The following CEP164 variants were observed in gnomAD, a reference collection of about 807,000 sequenced individuals.
CEP164 encodes centrosomal protein 164.
In CEP164, 162 loss-of-function variants were observed where a neutral mutation model predicts 182.7. The ratio of observed to expected loss-of-function variants is 0.89; its 90% CI spans 0.78 to 1.01. CEP164 has a LOEUF of 1.01. Among genes scored for constraint, CEP164 ranks in the 50% least tolerant of loss-of-function variants. The pLI, the probability that CEP164 is intolerant of heterozygous loss-of-function variation, is 0.00. For synonymous variants in CEP164, 661 were observed against 690.0 expected (o/e 0.96, Z 0.66); for missense variants, 1,735 against 1,790.4 (o/e 0.97, Z 0.56).
intron 27 of CEP164, among the ~76,000 whole-genome samples, chr11:117,404,108 A>G (rs894990944): frequency 2.0e-5 from 3 of 152,074 alleles, no homozygotes; most frequent in Non-Finnish European, 4.4e-5. Context: ...ATGCACCTTT[A>G]GTTCAGAGGA....
rs1156344843 is a variant in CEP164 at position 117,335,664 on chromosome 11, T to C, written c.-38T>C. On this transcript the variant is annotated 5_prime_UTR_variant, in exon 2 of 33. Coordinates refer to ENST00000278935, the MANE Select transcript of CEP164 (RefSeq NM_014956.5). ...ATGAGAATAGGACCTGAGAGTATAT[T>C]GGGCTAAGGAGGAGAGGTAAGGTTC... 1 of 152,218 alleles carries C rather than the reference T, an allele frequency of 6.6e-6. No individual in the cohort carries two copies. 9.4% of individuals were successfully genotyped at this position (152,218 alleles called of 1,614,324 possible). A position where few individuals can be genotyped will look rare whatever the true frequency, so the allele number is the denominator to read the frequency against.
At chr11:117,355,669 G>A in intron 5 of CEP164, 3 of 1,190,614 alleles carry the variant, frequency 2.5e-6, no homozygotes, top group Non-Finnish European at 3.2e-6. Flanking sequence ...GAGTTCCTGG[G>A]GAAGGTGGGA....
chr11:117,406,861 C>T lies in CEP164; in HGVS notation c.3502-1064C>T, dbSNP rs182024298. Among the ~76,000 whole-genome samples, 108 of 151,980 alleles carry T rather than the reference C, an allele frequency of 7.1e-4. No homozygotes were observed. In the East Asian group the frequency reaches 8.9e-3, roughly 13 times the overall value. On this transcript the variant is annotated intron_variant, in intron 27 of 32. Transcript: ENST00000278935. The stretch of plus-strand genomic sequence containing the variant: ...CTGTAATGCCAGCACTTTGGGAGGC[C>T]GGGGCGGGTGGATCACGAGGTCAGG...
rs1374557039 is a variant in CEP164, at chr11:117,394,135, G to C, written c.2617-215G>C. On this transcript the variant is annotated intron_variant, in intron 20 of 32. Transcript: ENST00000278935. This position sits in a 1 kb window ranked among gnomAD's most constrained non-coding sequence, Gnocchi z 4.0. ...AGAAAGGGAATCTGTCGTGGTGTCTGACCAGCCTCTGCTTCAGCTCTAGAG... is the reference window on the plus strand; with the variant it reads ...AGAAAGGGAATCTGTCGTGGTGTCTCACCAGCCTCTGCTTCAGCTCTAGAG... Among the ~76,000 whole-genome samples, 3 of 152,376 alleles carry C rather than the reference G, an allele frequency of 2.0e-5. No individual in the cohort carries two copies. The highest frequency in any genetic ancestry group is 4.1e-4 in the South Asian group (2 of 4,828).
At chr11:117,337,862 G>T (rs1233741928) in intron 2 of CEP164, among the ~76,000 whole-genome samples, 1 of 151,802 alleles carries the variant, frequency 6.6e-6, no homozygotes, top group Admixed American at 6.6e-5. Flanking sequence ...TCTTTAGCAC[G>T]GTCTGCAAGG....
At chr11:117,383,058 T>C in intron 14 of CEP164, 116 bp downstream of exon 14, 1 of 1,179,862 alleles carries the variant, frequency 8.5e-7, no homozygotes, top group Non-Finnish European at 1.2e-6. Flanking sequence ...AGGGTTAGAG[T>C]GTAGGGAGAT....
At chr11:117,324,013 G>A (rs140534586), upstream of CEP164, 16 of 228,010 alleles carry the variant, frequency 7.0e-5, no homozygotes, top group East Asian at 1.0e-3. Flanking sequence ...TCTGACCTAG[G>A]AGTAGGGAAA....
intron 15 of CEP164, among the ~76,000 whole-genome samples, chr11:117,388,807 G>A (rs1220901054): frequency 2.7e-5 from 4 of 148,636 alleles, no homozygotes; most frequent in African/African-American, 9.9e-5. Flanking sequence ...TTGCTCTGTC[G>A]CCCAGGCTGG....
At chr11:117,380,859 GC>G in intron 12 of CEP164, 154 bp downstream of exon 12, 1 of 650,034 alleles carries the variant, frequency 1.5e-6, no homozygotes, top group Non-Finnish European at 2.7e-6. Flanking sequence ...GTCTGTGTGT[GC>G]ACATGCGTGT....
chr11:117,375,808 G>T lies in CEP164; in HGVS notation c.1317+17G>T. On this transcript the variant is annotated intron_variant, in intron 11 of 32. Coordinates refer to ENST00000278935, the MANE Select transcript of CEP164 (RefSeq NM_014956.5). ...TGTCGGCAGGTGAGTTTCTGTGGGTGGTGGGCTGAGCTGGGGCCTCATTTT... is the reference window on the plus strand; with the variant it reads ...TGTCGGCAGGTGAGTTTCTGTGGGTTGTGGGCTGAGCTGGGGCCTCATTTT... The T allele has an allele frequency of 6.2e-7, 1 of 1,612,622 alleles. No individual in the cohort carries two copies. The highest frequency in any genetic ancestry group is 2.2e-5 in the East Asian group (1 of 44,868).
intron 14 of CEP164, among the ~76,000 whole-genome samples, chr11:117,384,215 A>G (rs974120714): frequency 2.6e-5 from 4 of 152,214 alleles, no homozygotes; most frequent in African/African-American, 9.7e-5. Context: ...AGGTTTATGC[A>G]CACATTACTC....
chr11:117,407,506 A>G (rs78842746), intron 27 of CEP164, among the ~76,000 whole-genome samples: 1 of 151,240 alleles, frequency 6.6e-6, no homozygotes. Context: ...GAAAAAAAAA[A>G]GCCAGGTGTG....
At chr11:117,343,027 C>T (rs1393978558) in intron 3 of CEP164, among the ~76,000 whole-genome samples, 1 of 152,070 alleles carries the variant, frequency 6.6e-6, no homozygotes, top group Non-Finnish European at 1.5e-5. Context: ...AGGCACATGC[C>T]ACCATGCTAA....
At chr11:117,348,003 T>C (rs1275802247) in intron 4 of CEP164, among the ~76,000 whole-genome samples, 3 of 152,124 alleles carry the variant, frequency 2.0e-5, no homozygotes, top group Admixed American at 6.6e-5. Context: ...AGAGTCTTGC[T>C]CTGTCGCCCA....
At chr11:117,391,299 G>T (rs1400156673) in intron 17 of CEP164, 84 bp downstream of exon 17, 14 of 1,075,488 alleles carry the variant, frequency 1.3e-5, no homozygotes, top group Admixed American at 2.1e-5. Context: ...GAGAAGAAGG[G>T]CAAGTCTCGG....
In CEP164 at chr11:117,355,101, G is replaced by T. The variant is rs76982365; in HGVS notation, c.393+3113G>T. On this transcript the variant is annotated intron_variant, in intron 5 of 32. Transcript: ENST00000278935. ...CCAGGCATGCTGGGTGACACTCCCT[G>T]GCGTTTCATGGGTGCCCTTCCCAGA... 2,230 of 1,289,798 alleles carry T rather than the reference G, an allele frequency of 1.7e-3. 35 individuals carry two copies. In the African/African-American group the frequency reaches 0.024, roughly 14 times the overall value. 79.9% of individuals were successfully genotyped at this position (1,289,798 alleles called of 1,614,324 possible).
intron 12 of CEP164, among the ~76,000 whole-genome samples, 156 bp from the exon 13 acceptor site, chr11:117,381,545 G>C (rs2043314637): frequency 6.6e-6 from 1 of 152,154 alleles, no homozygotes; most frequent in South Asian, 2.1e-4. Context: ...TGGCTGCCTT[G>C]CCCTGCTATG....
intron 4 of CEP164, among the ~76,000 whole-genome samples, chr11:117,347,992 T>TA (rs2039140126): frequency 6.6e-6 from 1 of 152,080 alleles, no homozygotes; most frequent in South Asian, 2.1e-4. Flanking sequence ...GTTTTTGAGA[T>TA]AGAGTCTTGC....
Position 117,396,192 on chromosome 11 carries a change from G to C in CEP164, c.3216+12G>C. ...AATCCCTTGGAACAGTGAGCTGGGG[G>C]CTGGGGCCTGGGGGCTGGGGCACCA... On this transcript the variant is annotated intron_variant, in intron 25 of 32. Coordinates refer to ENST00000278935, the MANE Select transcript of CEP164 (RefSeq NM_014956.5). The C allele has an allele frequency of 6.5e-7, 1 of 1,544,928 alleles. No homozygotes were observed. Among genetic ancestry groups the C allele is most frequent in the Non-Finnish European group, 8.9e-7 (1 of 1,121,500 alleles).
Sources: gnomAD v4.1 joint callset for allele counts (sites outside exome capture counted in the v4.1 genomes callset) on GRCh38, gnomAD v4.1.1 for gene constraint, Gnocchi (gnomAD v3.1) non-coding constraint, MANE v1.5 for transcripts, NCBI Gene and HGNC (gene_info 2026-07-23, HGNC 2026-07-21) for gene names.